Variants in TBC1D14 observed in about 807,000 individuals in gnomAD.
TBC1D14 encodes TBC1 domain family member 14.
In TBC1D14, 26 loss-of-function variants were observed where a neutral mutation model predicts 79.0. That is an observed-to-expected ratio of 0.33 (90% CI 0.24 to 0.46). TBC1D14 has a LOEUF of 0.46. Ranked by LOEUF, TBC1D14 falls within the 20% of genes least tolerant of loss-of-function variation. The pLI is 1.00. For missense variants in TBC1D14, 769 were observed against 887.6 expected (o/e 0.87, Z 1.70); for synonymous variants, 394 against 349.9 (o/e 1.13, Z -1.40).
At chr4:6,917,554 A>G (rs1723500813) in intron 1 of TBC1D14, among the ~76,000 whole-genome samples, 1 of 151,844 alleles carries the variant, frequency 6.6e-6, no homozygotes, top group Non-Finnish European at 1.5e-5. Context: ...CTGGGAGAGC[A>G]CCTCAGGTGG....
intron 3 of TBC1D14, among the ~76,000 whole-genome samples, chr4:6,993,832 A>G (rs1455650741): frequency 6.6e-6 from 1 of 152,208 alleles, no homozygotes; most frequent in African/African-American, 2.4e-5. Context: ...CAACATGGTG[A>G]AACCCCATCT....
intron 6 of TBC1D14, among the ~76,000 whole-genome samples, chr4:7,000,392 T>G (rs1468424978): frequency 6.6e-6 from 1 of 152,218 alleles, no homozygotes; most frequent in Non-Finnish European, 1.5e-5. Context: ...GTAGGTTTCA[T>G]CGTCTTGACT....
chr4:7,000,505 G>C (rs537273088), intron 6 of TBC1D14, among the ~76,000 whole-genome samples: 2 of 152,360 alleles, frequency 1.3e-5, no homozygotes, highest in Admixed American at 1.3e-4. Context: ...CCTCAAGCCT[G>C]TGCTCCCCAC....
chr4:6,979,307 T>G (rs1445082337), intron 3 of TBC1D14, among the ~76,000 whole-genome samples: 1 of 152,196 alleles, frequency 6.6e-6, no homozygotes, highest in Admixed American at 6.5e-5. Context: ...GTCTCAATAC[T>G]CAGTTCTGAC....
At chr4:7,024,899 A>C in intron 12 of TBC1D14, 105 bp from the exon 13 acceptor site, 2 of 1,503,812 alleles carry the variant, frequency 1.3e-6, no homozygotes, top group African/African-American at 2.8e-5. Context: ...CTGTTGCCTG[A>C]AAGTGACTAG....
chr4:7,001,293 C>G lies in TBC1D14; in HGVS notation c.1270+42C>G. 3.3e-6 allele frequency: 5 copies of G among 1,530,518 alleles called. No individual in the cohort carries two copies. The South Asian group carries it at 3.4e-5, about 10-fold the overall frequency. The allele number at this position is 1,530,518 out of a possible 1,614,324, so 94.8% of individuals were successfully genotyped here. Reference sequence around the variant, plus strand: ...ATCCTGGGGAGTCCACCTCCAGGCCCTTTGGCTTCTTCTCTCCCTTTTGCC... The same window carrying G: ...ATCCTGGGGAGTCCACCTCCAGGCCGTTTGGCTTCTTCTCTCCCTTTTGCC... On this transcript the variant is annotated intron_variant, in intron 7 of 13. Transcript: ENST00000409757.
At position 6,923,609 on chromosome 4, in the gene TBC1D14, G is replaced by C. The variant is rs773530418; in HGVS notation, c.220G>C (p.Gly74Arg). Residue 74 changes from glycine to arginine, a missense_variant, in exon 2 of 14, where the codon GGG (glycine) becomes CGG (arginine). Physicochemically the swap from Gly to Arg is moderately radical, Grantham distance 125. Transcript: ENST00000409757. ...CTCGGGGATTCCTACCCTGGAGATC[G>C]GGAACCCGGAGCCTGTACCCTGCAG... ...VDSGIPTLEIGNPEPVPCSAV... is the reference protein window; with the variant it reads ...VDSGIPTLEIRNPEPVPCSAV... 3 of 1,613,968 alleles carry C rather than the reference G, an allele frequency of 1.9e-6. No individual in the cohort carries two copies. Among genetic ancestry groups the C allele is most frequent in the Non-Finnish European group, 2.5e-6 (3 of 1,179,994 alleles).
intron 3 of TBC1D14, among the ~76,000 whole-genome samples, chr4:6,971,630 A>G (rs1437796291): frequency 6.6e-6 from 1 of 152,226 alleles, no homozygotes; most frequent in Non-Finnish European, 1.5e-5. Flanking sequence ...GGGTAGGAGA[A>G]TAACAGTACA....
chr4:6,970,984 G>C (rs1466902673), intron 3 of TBC1D14, among the ~76,000 whole-genome samples: 11 of 143,624 alleles, frequency 7.7e-5, no homozygotes, highest in African/African-American at 2.1e-4. Context: ...ACTGGGGTCA[G>C]GTGTTCACAC....
chr4:7,004,763 A>G (rs764621792), intron 7 of TBC1D14, 81 bp from the exon 8 acceptor site: 1 of 1,273,688 alleles, frequency 7.9e-7, no homozygotes, highest in South Asian at 1.2e-5. Flanking sequence ...AAGTATTTGG[A>G]GGAAATAGTA....
intron 1 of TBC1D14, among the ~76,000 whole-genome samples, chr4:6,911,711 T>C (rs191991538): frequency 9.2e-5 from 14 of 152,316 alleles, no homozygotes; most frequent in Admixed American, 2.6e-4. Flanking sequence ...GCTGGTGCGC[T>C]ATAGAAGGCC....
chr4:6,944,124 G>A (rs558894980), intron 2 of TBC1D14, among the ~76,000 whole-genome samples: 2 of 152,176 alleles, frequency 1.3e-5, no homozygotes, highest in South Asian at 4.2e-4. Context: ...GGAAAACTTC[G>A]GCGTCGTTCT....
chr4:7,009,819 C>G (rs113661237), intron 9 of TBC1D14, 58 bp from the exon 10 acceptor site: 1 of 1,543,530 alleles, frequency 6.5e-7, no homozygotes, highest in African/African-American at 1.4e-5. Context: ...ATCAGATGTT[C>G]GTCTGAGCAC....
At chr4:6,980,455 A>C (rs1717262126) in intron 3 of TBC1D14, among the ~76,000 whole-genome samples, 1 of 152,212 alleles carries the variant, frequency 6.6e-6, no homozygotes, top group Admixed American at 6.5e-5. Flanking sequence ...CAGTAATCAA[A>C]GTTTCTACCT....
At chr4:7,023,814 G>A (rs1257561127) in intron 12 of TBC1D14, among the ~76,000 whole-genome samples, 2 of 152,212 alleles carry the variant, frequency 1.3e-5, no homozygotes. Context: ...GTGTCCTTCC[G>A]GAGGGGCTCG....
Position 7,014,509 on chromosome 4 carries a change from C to G in TBC1D14, c.1709C>G (p.Ala570Gly). 1 of 1,613,820 alleles carries G rather than the reference C, an allele frequency of 6.2e-7. No homozygotes were observed. The highest frequency in any genetic ancestry group is 1.7e-5 in the Admixed American group (1 of 60,020). ...GAAGAAAATTTGCCGAAATTATTTG[C>G]GCATTTCAAGAAGAACAACCTAACT... Reference protein sequence around the residue: ...FFEENLPKLFAHFKKNNLTPD... With the variant: ...FFEENLPKLFGHFKKNNLTPD... The change falls in exon 12 of 14, where the codon GCG (alanine) becomes GGG (glycine). Residue 570 changes from alanine to glycine, a missense_variant. This residue lies in a region of TBC1D14 where 367 missense variants were observed against 494.4 expected (regional missense o/e 0.74). Coordinates refer to ENST00000409757, the MANE Select transcript of TBC1D14 (RefSeq NM_020773.3).
rs181185690 is a variant in TBC1D14 at position 6,987,324 on chromosome 4, G to C, written c.844-6860G>C. ...CGCTGGGCATGGAGCCTCCGGCCGC[G>C]CGCCTCTAAGGCCCCGGCGTTCATG... On this transcript the variant is annotated intron_variant, in intron 3 of 13. Transcript: ENST00000409757. The C allele has an allele frequency of 2.7e-3, 3,765 of 1,406,284 alleles. 171 individuals carry two copies. The Admixed American group carries it at 0.086, about 32-fold the overall frequency. 87.1% of individuals were successfully genotyped at this position (1,406,284 alleles called of 1,614,324 possible).
At chr4:6,996,285 G>A (rs758617755) in intron 4 of TBC1D14, 40 bp from the exon 5 acceptor site, 52 of 1,512,786 alleles carry the variant, frequency 3.4e-5, no homozygotes, top group Non-Finnish European at 4.4e-5. Context: ...ACTTCTATGC[G>A]GTATTTATAA....
At chr4:6,969,701 G>A (rs564237605) in intron 3 of TBC1D14, among the ~76,000 whole-genome samples, 1 of 151,742 alleles carries the variant, frequency 6.6e-6, no homozygotes, top group Admixed American at 6.6e-5. Context: ...CACCATGCCC[G>A]GCCCGACCCT....
Sources: allele counts gnomAD v4.1 joint callset (sites outside exome capture counted in the v4.1 genomes callset), GRCh38; gene constraint gnomAD v4.1.1; regional missense constraint gnomAD v4.1.1; transcripts MANE v1.5; gene names NCBI Gene and HGNC (gene_info 2026-07-23, HGNC 2026-07-21).